Variants in SLC24A2 observed in about 807,000 individuals in gnomAD.
SLC24A2 encodes sodium/potassium/calcium exchanger 2.
SLC24A2 carries 36 observed loss-of-function variants against 62.0 expected under a neutral mutation model. The ratio of observed to expected loss-of-function variants is 0.58; its 90% CI spans 0.44 to 0.77. The LOEUF is 0.77. Among genes scored for constraint, SLC24A2 ranks in the 30% least tolerant of loss-of-function variants. The pLI, the probability that SLC24A2 is intolerant of heterozygous loss-of-function variation, is 0.00. For missense variants in SLC24A2, 846 were observed against 817.9 expected (o/e 1.03, Z -0.42); for synonymous variants, 358 against 294.0 (o/e 1.22, Z -2.23).
At chr9:20,089,352 T>G in the SLC24A2 span, among the ~76,000 whole-genome samples, 1 of 152,092 alleles carries the variant, frequency 6.6e-6, no homozygotes, top group African/African-American at 2.4e-5. Flanking sequence ...CTCTGTCTGA[T>G]CACCACAGAG....
rs530437212 is a variant in SLC24A2 at position 19,574,887 on chromosome 9, G to C, written c.1229-1418C>G. Among the ~76,000 whole-genome samples the C allele has an allele frequency of 2.6e-5, 4 of 152,270 alleles. No homozygotes were observed. The South Asian group carries it at 8.3e-4, about 32-fold the overall frequency. ...GAATGAGGCTGTAGTATGCTGTCAG[G>C]GTTTCTGGGGGTATCAGAATGCTCA... On this transcript the variant is annotated intron_variant, in intron 6 of 10. Transcript: ENST00000341998.
chr9:19,642,286 G>T (rs1053888460), intron 2 of SLC24A2, among the ~76,000 whole-genome samples: 1 of 152,284 alleles, frequency 6.6e-6, no homozygotes, highest in South Asian at 2.1e-4. Context: ...GAGGAAATAC[G>T]CCAGCAGATC....
the SLC24A2 span, among the ~76,000 whole-genome samples, chr9:19,844,281 A>AT: frequency 2.6e-5 from 4 of 151,746 alleles, no homozygotes; most frequent in South Asian, 6.2e-4. Flanking sequence ...GACGTTGAAC[A>AT]TTTTTTTCAT....
At chr9:20,102,056 C>A in the SLC24A2 span, among the ~76,000 whole-genome samples, 1 of 152,174 alleles carries the variant, frequency 6.6e-6, no homozygotes, top group African/African-American at 2.4e-5. Flanking sequence ...ATGAAACACC[C>A]TGTGGTAGCC....
chr9:20,202,124 C>G, the SLC24A2 span, among the ~76,000 whole-genome samples: 1 of 151,110 alleles, frequency 6.6e-6, no homozygotes, highest in Non-Finnish European at 1.5e-5. Context: ...AAGCATGGAA[C>G]ACTCAGATGC....
At chr9:19,942,446 G>A in the SLC24A2 span, among the ~76,000 whole-genome samples, 2 of 152,128 alleles carry the variant, frequency 1.3e-5, no homozygotes, top group Admixed American at 6.5e-5. Context: ...AGGTGATATC[G>A]AGGTCACATT....
chr9:20,223,684 G>A, the SLC24A2 span, among the ~76,000 whole-genome samples: 1 of 152,110 alleles, frequency 6.6e-6, no homozygotes, highest in Admixed American at 6.6e-5. Context: ...GTGTACATGG[G>A]AAAAATGGAT....
chr9:20,144,486 G>C, the SLC24A2 span, among the ~76,000 whole-genome samples: 2 of 152,124 alleles, frequency 1.3e-5, no homozygotes, highest in Non-Finnish European at 2.9e-5. Flanking sequence ...TGTTTATTTA[G>C]ACTCCCGTAA....
the SLC24A2 span, among the ~76,000 whole-genome samples, chr9:19,813,604 C>T: frequency 6.6e-6 from 1 of 152,024 alleles, no homozygotes; most frequent in Non-Finnish European, 1.5e-5. Context: ...CAGGTATGAA[C>T]CACCACGTCC....
the SLC24A2 span, among the ~76,000 whole-genome samples, chr9:20,106,214 C>A: frequency 1.3e-5 from 2 of 152,128 alleles, no homozygotes; most frequent in Non-Finnish European, 2.9e-5. Context: ...CAATAGCTTA[C>A]CAACCAAAAA....
At chr9:19,688,659 G>A (rs1371072720) in intron 2 of SLC24A2, among the ~76,000 whole-genome samples, 1 of 152,116 alleles carries the variant, frequency 6.6e-6, no homozygotes, top group East Asian at 1.9e-4. Flanking sequence ...AGCAGAATGT[G>A]TTGCTGGTGA....
the SLC24A2 span, among the ~76,000 whole-genome samples, chr9:19,968,371 T>C: frequency 1.3e-5 from 2 of 152,206 alleles, no homozygotes; most frequent in Non-Finnish European, 2.9e-5. Flanking sequence ...CTAAACTGTT[T>C]GCAAACATTT....
chr9:20,017,863 G>A, the SLC24A2 span, among the ~76,000 whole-genome samples: 1 of 152,320 alleles, frequency 6.6e-6, no homozygotes, highest in East Asian at 1.9e-4. Context: ...CAGGTTGAGG[G>A]TGGGTCTGCC....
intron 2 of SLC24A2, among the ~76,000 whole-genome samples, chr9:19,703,948 A>G (rs1820431688): frequency 6.6e-6 from 1 of 152,218 alleles, no homozygotes; most frequent in South Asian, 2.1e-4. Context: ...AATGATGGAT[A>G]TATGCTAATA....
chr9:20,077,957 G>A, the SLC24A2 span, among the ~76,000 whole-genome samples: 1 of 152,120 alleles, frequency 6.6e-6, no homozygotes, highest in Non-Finnish European at 1.5e-5. Flanking sequence ...AGAACTAGAG[G>A]TTAGGCTCCA....
chr9:19,856,333 G>A, the SLC24A2 span, among the ~76,000 whole-genome samples: 3 of 152,108 alleles, frequency 2.0e-5, no homozygotes, highest in African/African-American at 2.4e-5. Context: ...TTGTTGGAGA[G>A]GAGTTACGAT....
At chr9:19,635,566 A>C (rs1818291037) in intron 2 of SLC24A2, among the ~76,000 whole-genome samples, 1 of 152,232 alleles carries the variant, frequency 6.6e-6, no homozygotes, top group African/African-American at 2.4e-5. Context: ...ACCTATGGGA[A>C]AATGACACTT....
chr9:20,017,059 G>C, the SLC24A2 span, among the ~76,000 whole-genome samples: 1 of 152,082 alleles, frequency 6.6e-6, no homozygotes, highest in Non-Finnish European at 1.5e-5. Context: ...GTCTCACTCT[G>C]TGGCCCAGGC....
chr9:20,254,625 G>T, the SLC24A2 span, among the ~76,000 whole-genome samples: 97 of 152,182 alleles, frequency 6.4e-4, no homozygotes, highest in African/African-American at 2.1e-3. Flanking sequence ...GACCAGGAGG[G>T]TACCTAGACT....
Sources: gnomAD v4.1 joint callset for allele counts (sites outside exome capture counted in the v4.1 genomes callset) on GRCh38, gnomAD v4.1.1 for gene constraint, MANE v1.5 for transcripts, NCBI Gene and HGNC (gene_info 2026-07-23, HGNC 2026-07-21) for gene names.